The following C16orf95 variants were observed in gnomAD, a reference collection of about 807,000 sequenced individuals.
The protein encoded by C16orf95 is uncharacterized protein C16orf95.
C16orf95 carries 41 observed loss-of-function variants against 32.1 expected under a neutral mutation model. That is an observed-to-expected ratio of 1.28 (90% confidence interval 1.00 to 1.66). C16orf95 has a LOEUF of 1.66. Ranked by LOEUF, C16orf95 falls within the 40% of genes most tolerant of loss-of-function variation. The pLI is 0.00. For synonymous variants in C16orf95, 147 were observed against 128.9 expected, an observed-to-expected ratio of 1.14 and a Z score of -0.95; for missense variants, 399 against 325.9, an observed-to-expected ratio of 1.22 and a Z score of -1.73.
At chr16:87,308,604 C>G (rs1161648351) in intron 5 of C16orf95, among the ~76,000 whole-genome samples, 3 of 152,228 alleles carry the variant, frequency 2.0e-5, no homozygotes, top group Non-Finnish European at 4.4e-5. Flanking sequence ...GCCGTGACCT[C>G]TGCTCTTGTC....
intron 3 of C16orf95, 92 bp from the exon 4 acceptor site, chr16:87,311,388 C>A (rs746278382): frequency 9.7e-5 from 130 of 1,344,370 alleles, no homozygotes; most frequent in Non-Finnish European, 1.2e-4. Flanking sequence ...CCCAGAAGAT[C>A]CCCTGGCTGG....
Position 87,305,800 on chromosome 16 carries a change from A to G in C16orf95, c.620T>C (p.Leu207Pro), listed in dbSNP as rs1193157979. Residue 207 changes from leucine (L) to proline (P), a missense_variant, in exon 6 of 7, where the codon CTA becomes CCA. Transcript: ENST00000567970. This position sits in a 1 kb window ranked among gnomAD's most constrained non-coding sequence, Gnocchi z 4.2. ...QQLQAPYQDQ[L>P]PAPAARLLPL... ...CAGCAGACGCGCTGCAGGAGCCGGT[A>G]GCTGGTCCTGGTAGGGGGCCTGGAG... 37 of 1,516,418 alleles carry G rather than the reference A, an allele frequency of 2.4e-5. No individual in the cohort carries two copies. Among genetic ancestry groups the G allele is most frequent in the Middle Eastern group, 1.7e-4 (1 of 5,928 alleles). 93.9% of individuals were successfully genotyped at this position (1,516,418 alleles called of 1,614,324 possible). A position where few individuals can be genotyped will look rare whatever the true frequency, so the allele number is the denominator to read the frequency against.
At position 87,315,779 on chromosome 16, in the gene C16orf95, C is replaced by CG. The variant is rs763638885; in HGVS notation, c.196dup (p.Arg66ProfsTer14). The CG allele has an allele frequency of 6.5e-7, 1 of 1,528,948 alleles. No individual in the cohort carries two copies. The highest frequency in any genetic ancestry group is 1.2e-5 in the South Asian group (1 of 82,784). The allele number at this position is 1,528,948 out of a possible 1,614,324, so 94.7% of individuals were successfully genotyped here. A position where few individuals can be genotyped will look rare whatever the true frequency, so the allele number is the denominator to read the frequency against. ...AGGATTTGCTTTCCTTACCGAATGA[C>CG]GGGGGAGGCACACTTCTTTCTTGTA... On this transcript the variant is annotated frameshift_variant, in exon 2 of 7. Transcript: ENST00000567970. LOFTEE classifies it high-confidence loss of function.
intron 5 of C16orf95, among the ~76,000 whole-genome samples, chr16:87,308,865 C>A (rs951636249): frequency 7.9e-5 from 12 of 152,210 alleles, no homozygotes; most frequent in African/African-American, 2.7e-4. Context: ...TTTGATTTTG[C>A]AGTCAGAATT....
At position 87,311,259 on chromosome 16, in the gene C16orf95, G is replaced by T. The variant is rs1449332356; in HGVS notation, c.368C>A (p.Ala123Asp). ...GTGGCATAGGCAGGGGCACATCTTG[G>T]CGGTTTGGGGGATAGGAAATTGAAC... ...KTVQFPIPQT[A>D]KMCPCLCHRF... is the part of the protein sequence containing the mutation. Residue 123 changes from alanine (A) to aspartate (D), a missense_variant, in exon 4 of 7, where the codon GCC (alanine) becomes GAC (aspartate). Physicochemically the swap from Ala to Asp is moderately radical, Grantham distance 126. Coordinates refer to ENST00000567970, the MANE Select transcript of C16orf95 (RefSeq NM_001195124.3). The T allele has an allele frequency of 6.5e-7, 1 of 1,535,616 alleles. No homozygotes were observed. The highest frequency in any genetic ancestry group is 1.2e-5 in the South Asian group (1 of 84,018).
intron 6 of C16orf95, 85 bp from the exon 7 acceptor site, chr16:87,303,160 A>G: frequency 7.1e-7 from 1 of 1,400,202 alleles, no homozygotes; most frequent in Admixed American, 2.0e-5. Flanking sequence ...GGAAACCTCC[A>G]TGAGCGGAAG....
intron 5 of C16orf95, among the ~76,000 whole-genome samples, chr16:87,309,054 C>A (rs140311332): frequency 0.011 from 1,610 of 152,284 alleles, 11 homozygotes; most frequent in Non-Finnish European, 0.017. Flanking sequence ...AAATGAGTCA[C>A]CCATCTGGAA....
intron 6 of C16orf95, among the ~76,000 whole-genome samples, chr16:87,304,342 CTGTG>C (rs1385238324): frequency 0.01 from 1,508 of 149,258 alleles, 1 homozygote; most frequent in Non-Finnish European, 0.012. Context: ...GTGTGGGCCA[CTGTG>C]CCCGGCCTCG....
intron 4 of C16orf95, 60 bp from the exon 5 acceptor site, chr16:87,310,393 G>C: frequency 6.6e-7 from 1 of 1,507,514 alleles, no homozygotes; most frequent in Non-Finnish European, 8.9e-7. Flanking sequence ...GGGAAGGCCT[G>C]GTGATTGGGA....
chr16:87,311,108 C>T (rs888021874), intron 4 of C16orf95, 42 bp downstream of exon 4: 1 of 1,437,556 alleles, frequency 7.0e-7, no homozygotes, highest in African/African-American at 1.4e-5. Context: ...CGGCCCCCAC[C>T]TCACTCTTCA....
At chr16:87,309,372 C>CTTTTTTTTTTTTTTTTTTTTTTTTTTTT (rs10551847) in intron 5 of C16orf95, among the ~76,000 whole-genome samples, 1 of 86,040 alleles carries the variant, frequency 1.2e-5, no homozygotes, top group Non-Finnish European at 2.0e-5. Flanking sequence ...TCTTTCTTTT[C>CTTTTTTTTTTTTTTTTTTTTTTTTTTTT]TTTTTTTTTT....
Position 87,317,112 on chromosome 16 carries a change from G to T in C16orf95, c.131C>A (p.Thr44Lys). The T allele has an allele frequency of 6.5e-7, 1 of 1,529,878 alleles. No homozygotes were observed. Among genetic ancestry groups the T allele is most frequent in the Non-Finnish European group, 8.7e-7 (1 of 1,143,070 alleles). The allele number at this position is 1,529,878 out of a possible 1,614,324, so 94.8% of individuals were successfully genotyped here. A position where few individuals can be genotyped will look rare whatever the true frequency, so the allele number is the denominator to read the frequency against. The change falls in exon 1 of 7, where the codon ACA becomes AAA. Residue 44 changes from threonine (T) to lysine (K), a missense_variant. Physicochemically the swap from Thr to Lys is moderately conservative, Grantham distance 78. Coordinates refer to ENST00000567970, the MANE Select transcript of C16orf95 (RefSeq NM_001195124.3). ...GCVGLCRLAL[T>K]PSAQDGRNST... ...TTGCCTGCCATCCTGCGCGCTGGGTGTGAGTGCCAACCTGCAGAGCCCGAC... is the reference window on the plus strand; with the variant it reads ...TTGCCTGCCATCCTGCGCGCTGGGTTTGAGTGCCAACCTGCAGAGCCCGAC...
chr16:87,312,473 G>A (rs1911326148), intron 3 of C16orf95, among the ~76,000 whole-genome samples: 1 of 150,052 alleles, frequency 6.7e-6, no homozygotes, highest in Non-Finnish European at 1.5e-5. Context: ...GGAGACTGAG[G>A]CAGGAGAATC....
At position 87,311,201 on chromosome 16, in the gene C16orf95, G is replaced by C. The variant is rs1402215762; in HGVS notation, c.426C>G (p.Asp142Glu). 1 of 1,535,822 alleles carries C rather than the reference G, an allele frequency of 6.5e-7. No individual in the cohort carries two copies. Among genetic ancestry groups the C allele is most frequent in the South Asian group, 1.2e-5 (1 of 84,038 alleles). The change falls in exon 4 of 7, where the codon GAC (aspartate) becomes GAG (glutamate). Residue 142 changes from aspartate to glutamate, a missense_variant. By Grantham distance (45) the Asp-to-Glu change is conservative. Coordinates refer to ENST00000567970, the MANE Select transcript of C16orf95 (RefSeq NM_001195124.3). ...GCACCCAGTAGGGCATCACTGCCTG[G>C]TCCCTAGGCATCGGGAGGCGGCCCC... ...RFGGRLPMPR[D>E]QAVMPYWVPQ...
In C16orf95 at chr16:87,315,884, G is replaced by A. The variant is rs59492806; in HGVS notation, c.153-61C>T. On this transcript the variant is annotated intron_variant, in intron 1 of 6. Coordinates refer to ENST00000567970, the MANE Select transcript of C16orf95 (RefSeq NM_001195124.3). ...TAAACTAGGGGGCAGGGATGCTAGA[G>A]CACAGGCCTGGACCTGTCTTCTCAG... 9.4e-3 allele frequency: 11,688 copies of A among 1,243,036 alleles called. 815 individuals are homozygous for A. The African/African-American group carries it at 0.15, about 16-fold the overall frequency. The allele number at this position is 1,243,036 out of a possible 1,614,324, so 77.0% of individuals were successfully genotyped here.
intron 1 of C16orf95, among the ~76,000 whole-genome samples, chr16:87,316,572 C>G (rs933504282): frequency 6.6e-6 from 1 of 152,062 alleles, no homozygotes; most frequent in African/African-American, 2.4e-5. Flanking sequence ...TGCTTGAAAA[C>G]AGAGGATGGG....
chr16:87,311,240 T>C lies in C16orf95; in HGVS notation c.387A>G (p.Leu129=). The C allele has an allele frequency of 6.5e-7, 1 of 1,535,852 alleles. No homozygotes were observed. Among genetic ancestry groups the C allele is most frequent in the Non-Finnish European group, 8.7e-7 (1 of 1,146,686 alleles). ...IPQTAKMCPC[L]CHRFGGRLPM... ...GGAGGCGGCCCCCAAAGCGGTGGCA[T>C]AGGCAGGGGCACATCTTGGCGGTTT... is the stretch of plus-strand genomic sequence containing the variant. Residue 129 remains leucine (L), a synonymous_variant, in exon 4 of 7, where the codon CTA becomes CTG. Coordinates refer to ENST00000567970, the MANE Select transcript of C16orf95 (RefSeq NM_001195124.3).
intron 5 of C16orf95, 141 bp downstream of exon 5, chr16:87,310,156 G>T: frequency 1.2e-6 from 1 of 856,470 alleles, no homozygotes; most frequent in Non-Finnish European, 1.9e-6. Context: ...TTGAGCAGGG[G>T]AAGGGAAGCC....
Position 87,305,583 on chromosome 16 carries a change from A to G in C16orf95, c.701+136T>C, listed in dbSNP as rs908435160. 1.5e-6 allele frequency: 1 copy of G among 687,584 alleles called. No homozygotes were observed. Among genetic ancestry groups the G allele is most frequent in the Non-Finnish European group, 2.2e-6 (1 of 444,654 alleles). 42.6% of individuals were successfully genotyped at this position (687,584 alleles called of 1,614,324 possible). On this transcript the variant is annotated intron_variant, in intron 6 of 6. Coordinates refer to ENST00000567970, the MANE Select transcript of C16orf95 (RefSeq NM_001195124.3). The surrounding 1 kb of genome is among the most constrained non-coding windows in gnomAD (Gnocchi z 4.2). The stretch of plus-strand genomic sequence containing the variant: ...GCAGAGCACCACAGGACACACTCAC[A>G]GTGCCGGGCCTTGGACGCCTGTCAA...
Sources: gnomAD v4.1 joint callset for allele counts (sites outside exome capture counted in the v4.1 genomes callset) on GRCh38, gnomAD v4.1.1 for gene constraint, Gnocchi (gnomAD v3.1) non-coding constraint, MANE v1.5 for transcripts, NCBI Gene and HGNC (gene_info 2026-07-23, HGNC 2026-07-21) for gene names.